Variants in SAR1B observed in about 807,000 individuals in gnomAD.
SAR1B encodes the protein secretion associated Ras related GTPase 1B.
In SAR1B, 23 loss-of-function variants were observed where a neutral mutation model predicts 26.8. The observed-to-expected ratio is 0.86, with a 90% CI of 0.62 to 1.22. SAR1B has a LOEUF of 1.22. Ranked by LOEUF, SAR1B falls within the 50% of genes most tolerant of loss-of-function variation. The pLI is 0.00. For missense variants in SAR1B, 196 were observed against 232.8 expected, an observed-to-expected ratio of 0.84 and a Z score of 1.03; for synonymous variants, 65 against 80.8, an observed-to-expected ratio of 0.80 and a Z score of 1.05.
At chr5:134,629,882 T>A in intron 1 of SAR1B, among the ~76,000 whole-genome samples, 1 of 141,244 alleles carries the variant, frequency 7.1e-6, no homozygotes, top group Non-Finnish European at 1.5e-5. Flanking sequence ...CAACATTCTG[T>A]CTCAAAAAAA....
At chr5:134,619,472 G>A (rs1291611602) in intron 3 of SAR1B, among the ~76,000 whole-genome samples, 2 of 151,690 alleles carry the variant, frequency 1.3e-5, no homozygotes, top group Non-Finnish European at 2.9e-5. Context: ...TGATCCTCCT[G>A]CCTCAGCCTC....
chr5:134,603,317 C>G lies in SAR1B; in HGVS notation c.*3633G>C, dbSNP rs1765072551. ...AGTTTCAGAAAATGTAAACCTTTCC[C>G]CTGAAACTCTCCAATCATGTTAACT... On this transcript the variant is annotated 3_prime_UTR_variant, in exon 7 of 7. Coordinates refer to ENST00000402673, the MANE Select transcript of SAR1B (RefSeq NM_016103.4). 6.6e-6 allele frequency: 1 copy of G among 152,158 alleles called. No individual in the cohort carries two copies. Among genetic ancestry groups the G allele is most frequent in the Admixed American group, 6.6e-5 (1 of 15,266 alleles). 9.4% of individuals were successfully genotyped at this position (152,158 alleles called of 1,614,324 possible). A position where few individuals can be genotyped will look rare whatever the true frequency, so the allele number is the denominator to read the frequency against.
At chr5:134,607,146 T>C in intron 6 of SAR1B, 80 bp from the exon 7 acceptor site, 1 of 925,964 alleles carries the variant, frequency 1.1e-6, no homozygotes, top group South Asian at 1.3e-5. Flanking sequence ...ATAGGTTCTA[T>C]TTTAGAACAA....
chr5:134,610,531 C>A (rs1765195498), intron 4 of SAR1B, among the ~76,000 whole-genome samples: 1 of 137,054 alleles, frequency 7.3e-6, no homozygotes, highest in Non-Finnish European at 1.5e-5. Flanking sequence ...CATGCCACTG[C>A]ACTCCAGCCT....
At chr5:134,628,733 C>G (rs1477991661) in intron 1 of SAR1B, among the ~76,000 whole-genome samples, 1 of 151,976 alleles carries the variant, frequency 6.6e-6, no homozygotes, top group African/African-American at 2.4e-5. Context: ...TGGCTCACTG[C>G]AACCTCCACC....
intron 1 of SAR1B, among the ~76,000 whole-genome samples, chr5:134,627,706 G>A (rs1017731521): frequency 6.6e-6 from 1 of 151,888 alleles, no homozygotes; most frequent in African/African-American, 2.4e-5. Context: ...GGCTGAGGCA[G>A]GAGAATGGCG....
At chr5:134,623,418 C>T (rs10479084) in intron 2 of SAR1B, among the ~76,000 whole-genome samples, 2,102 of 149,484 alleles carry the variant, frequency 0.014, 59 homozygotes, top group African/African-American at 0.049. Context: ...CCAGCCTGGG[C>T]GACAGAGCGA....
intron 3 of SAR1B, among the ~76,000 whole-genome samples, chr5:134,618,040 G>A (rs1481198596): frequency 3.3e-5 from 5 of 152,088 alleles, no homozygotes; most frequent in African/African-American, 9.7e-5. Flanking sequence ...TTTGTTGGCC[G>A]GGCGCAGTGG....
intron 3 of SAR1B, chr5:134,613,904 TTC>T (rs1335754671): frequency 6.6e-6 from 1 of 152,284 alleles, no homozygotes; most frequent in African/African-American, 2.4e-5. Context: ...TCAGTCACTT[TTC>T]TCTCTGTGCT....
At chr5:134,620,805 G>A (rs1228868217) in intron 3 of SAR1B, 128 bp downstream of exon 3, 4 of 1,083,666 alleles carry the variant, frequency 3.7e-6, no homozygotes, top group Non-Finnish European at 5.6e-6. Flanking sequence ...AGTGAACTGT[G>A]ATCATACCAC....
chr5:134,626,548 C>A (rs533419448), intron 1 of SAR1B, among the ~76,000 whole-genome samples: 38 of 152,242 alleles, frequency 2.5e-4, no homozygotes, highest in Non-Finnish European at 4.4e-4. Context: ...GAAACATACA[C>A]ACGTCAGCAG....
Position 134,606,916 on chromosome 5 carries a change from G to A in SAR1B, c.*34C>T, listed in dbSNP as rs1253922728. 7.3e-7 allele frequency: 1 copy of A among 1,366,764 alleles called. No homozygotes were observed. 84.7% of individuals were successfully genotyped at this position (1,366,764 alleles called of 1,614,324 possible). On this transcript the variant is annotated 3_prime_UTR_variant, in exon 7 of 7. Coordinates refer to ENST00000402673, the MANE Select transcript of SAR1B (RefSeq NM_016103.4). ...AGCAATCAAATCTCTGAGTAAGCCT[G>A]AACGTTGAGACCTGGAACCAATGTG...
chr5:134,609,982 C>G (rs138612806), intron 4 of SAR1B, among the ~76,000 whole-genome samples: 8 of 150,994 alleles, frequency 5.3e-5, no homozygotes, highest in Non-Finnish European at 1.0e-4. Context: ...CATTGGAGGA[C>G]TGCTACTAGA....
intron 3 of SAR1B, chr5:134,614,605 T>A (rs1021413784): frequency 6.6e-6 from 1 of 152,238 alleles, no homozygotes; most frequent in African/African-American, 2.4e-5. Context: ...CTTTACCCAT[T>A]GCATGCACAG....
At chr5:134,613,363 C>T (rs1419888277) in intron 3 of SAR1B, 1 of 152,384 alleles carries the variant, frequency 6.6e-6, no homozygotes, top group Non-Finnish European at 1.5e-5. Context: ...CAAGTGCTAT[C>T]CTTTACAGCA....
intron 1 of SAR1B, among the ~76,000 whole-genome samples, chr5:134,625,523 T>C (rs893376027): frequency 8.6e-5 from 13 of 151,838 alleles, no homozygotes; most frequent in African/African-American, 2.9e-4. Flanking sequence ...CAGAACAGAA[T>C]TGGGAAAATA....
At chr5:134,616,113 G>C (rs577967017) in intron 3 of SAR1B, among the ~76,000 whole-genome samples, 111 of 127,764 alleles carry the variant, frequency 8.7e-4, no homozygotes, top group Admixed American at 4.4e-3. Context: ...CTGGGCAACA[G>C]AGCGAGACTC....
rs566644598 is a variant in SAR1B at position 134,610,274 on chromosome 5, C to T, written c.245-600G>A. On this transcript the variant is annotated intron_variant, in intron 4 of 6. Coordinates refer to ENST00000402673, the MANE Select transcript of SAR1B (RefSeq NM_016103.4). ...TTGAGCTCAGGAGTTCAAGACCAGC[C>T]TGGACAACATAGTGAAACCTCATCT... 3.9e-5 allele frequency among the ~76,000 whole-genome samples: 6 copies of T among 152,026 alleles called. No individual in the cohort carries two copies. The East Asian group carries it at 1.2e-3, about 29-fold the overall frequency.
rs1308948241 is a variant in SAR1B at position 134,604,509 on chromosome 5, G to C, written c.*2441C>G. 1 of 152,238 alleles carries C rather than the reference G, an allele frequency of 6.6e-6. No homozygotes were observed. The highest frequency in any genetic ancestry group is 1.5e-5 in the Non-Finnish European group (1 of 68,056). 9.4% of individuals were successfully genotyped at this position (152,238 alleles called of 1,614,324 possible). A position where few individuals can be genotyped will look rare whatever the true frequency, so the allele number is the denominator to read the frequency against. ...CTGGAGAGGTTCTCAAAGCTGGACA[G>C]TAAGTCCTCTGGCTCAGGAACTCTG... On this transcript the variant is annotated 3_prime_UTR_variant, in exon 7 of 7. Transcript: ENST00000402673.
Sources: allele counts gnomAD v4.1 joint callset (sites outside exome capture counted in the v4.1 genomes callset), GRCh38; gene constraint gnomAD v4.1.1; transcripts MANE v1.5; gene names NCBI Gene and HGNC (gene_info 2026-07-23, HGNC 2026-07-21).